The following PTP4A3 variants were observed in gnomAD, a reference collection of about 807,000 sequenced individuals.
PTP4A3 encodes protein tyrosine phosphatase type IVA 3.
Under a neutral mutation model 15.2 loss-of-function variants are expected in PTP4A3, and 9 were observed. The ratio of observed to expected loss-of-function variants is 0.59; its 90% confidence interval spans 0.36 to 1.03. The LOEUF is 1.03. PTP4A3 is among the 50% of genes least tolerant of loss of function. The probability of loss-of-function intolerance (pLI) is 0.02; values close to 1 mark genes in which losing one functional copy is unlikely to be tolerated. For missense variants in PTP4A3, 234 were observed against 252.1 expected (o/e 0.93, Z 0.49); for synonymous variants, 95 against 102.0 (o/e 0.93, Z 0.41).
chr8:141,422,333 C>T lies in PTP4A3; in HGVS notation c.93C>T (p.Ser31=). 6.2e-7 allele frequency: 1 copy of T among 1,613,494 alleles called. No individual in the cohort carries two copies. Among genetic ancestry groups the T allele is most frequent in the Non-Finnish European group, 8.5e-7 (1 of 1,179,982 alleles). Residue 31 remains serine (S), a synonymous_variant, in exon 2 of 6, where the codon AGC becomes AGT. Coordinates refer to ENST00000521578, the MANE Select transcript of PTP4A3 (RefSeq NM_032611.3). ...ACAACCCCACCAACGCCACGCTCAGCACCTTCATTGAGGTGAGTGGAGACG... is the reference window on the plus strand; with the variant it reads ...ACAACCCCACCAACGCCACGCTCAGTACCTTCATTGAGGTGAGTGGAGACG... The part of the protein sequence containing the change: ...ITHNPTNATL[S]TFIEDLKKYG...
At chr8:141,402,593 G>A (rs1033136711) in intron 1 of PTP4A3, among the ~76,000 whole-genome samples, 2 of 152,126 alleles carry the variant, frequency 1.3e-5, no homozygotes, top group East Asian at 1.9e-4. Context: ...TCCTGCCTTC[G>A]GGAGCTGGGT....
In PTP4A3 at chr8:141,425,189, G is replaced by T; in HGVS notation, c.198+49G>T. The stretch of plus-strand genomic sequence containing the variant: ...CTAGTCACTGCTGCCACCGGGGGAG[G>T]GTGGGGCGGGGGGCTCCGGGCCTGC... On this transcript the variant is annotated intron_variant, in intron 3 of 5. Coordinates refer to ENST00000521578, the MANE Select transcript of PTP4A3 (RefSeq NM_032611.3). The surrounding 1 kb of genome is among the most constrained non-coding windows in gnomAD (Gnocchi z 4.2). 1 of 1,440,898 alleles carries T rather than the reference G, an allele frequency of 6.9e-7. No individual in the cohort carries two copies. Among genetic ancestry groups the T allele is most frequent in the South Asian group, 1.2e-5 (1 of 85,918 alleles). The allele number at this position is 1,440,898 out of a possible 1,614,324, so 89.3% of individuals were successfully genotyped here. A position where few individuals can be genotyped will look rare whatever the true frequency, so the allele number is the denominator to read the frequency against.
At chr8:141,410,624 TGAA>T (rs1367318849) in intron 1 of PTP4A3, among the ~76,000 whole-genome samples, 1 of 152,184 alleles carries the variant, frequency 6.6e-6, no homozygotes, top group Non-Finnish European at 1.5e-5. Flanking sequence ...GGCAGGTCCA[TGAA>T]GGACAGCCTT....
intron 1 of PTP4A3, among the ~76,000 whole-genome samples, chr8:141,394,575 G>A (rs894101846): frequency 2.0e-5 from 3 of 152,230 alleles, no homozygotes; most frequent in Non-Finnish European, 2.9e-5. Context: ...GCCTCCCAGT[G>A]TCTTGCTGGA....
chr8:141,396,189 G>A (rs781557333), intron 1 of PTP4A3, among the ~76,000 whole-genome samples: 22 of 152,346 alleles, frequency 1.4e-4, no homozygotes, highest in Non-Finnish European at 2.1e-4. Context: ...GGTCAGGACC[G>A]TGATGGACTC....
At chr8:141,407,888 A>G (rs559678970) in intron 1 of PTP4A3, among the ~76,000 whole-genome samples, 38 of 152,190 alleles carry the variant, frequency 2.5e-4, no homozygotes, top group Non-Finnish European at 5.1e-4. Flanking sequence ...CTTTCTTAAA[A>G]CATCATGAGG....
In PTP4A3 at chr8:141,427,017, T is replaced by C; in HGVS notation, c.277T>C (p.Cys93Arg). The C allele has an allele frequency of 6.2e-7, 1 of 1,604,140 alleles. No individual in the cohort carries two copies. The highest frequency in any genetic ancestry group is 8.5e-7 in the Non-Finnish European group (1 of 1,179,838). ...GCTGAGCCTGGTGAAGGCCAAGTTC[T>C]GTGAGGCCCCCGGCAGCTGCGTGGC... ...DWLSLVKAKF[C>R]EAPGSCVAVH... The change falls in exon 4 of 6, where the codon TGT (cysteine) becomes CGT (arginine). Residue 93 changes from cysteine to arginine, a missense_variant. Cys to Arg is a radical substitution (Grantham distance 180). Coordinates refer to ENST00000521578, the MANE Select transcript of PTP4A3 (RefSeq NM_032611.3).
At chr8:141,426,695 G>A in intron 3 of PTP4A3, 1 of 983,020 alleles carries the variant, frequency 1.0e-6, no homozygotes, top group Non-Finnish European at 1.2e-6. Flanking sequence ...GGTGGTCCAG[G>A]AAGGCTTCCT....
At chr8:141,408,771 C>T (rs1365297044) in intron 1 of PTP4A3, among the ~76,000 whole-genome samples, 2 of 152,220 alleles carry the variant, frequency 1.3e-5, no homozygotes, top group African/African-American at 2.4e-5. Context: ...GCCCTGCCCC[C>T]GGGTTCCCAG....
chr8:141,424,323 C>A (rs1187231832), intron 2 of PTP4A3, among the ~76,000 whole-genome samples: 1 of 152,160 alleles, frequency 6.6e-6, no homozygotes, highest in Admixed American at 6.5e-5. Context: ...GTATAACTAT[C>A]GGCCTGGCTG....
intron 1 of PTP4A3, chr8:141,392,366 G>A (rs1015051776): frequency 2.0e-5 from 3 of 152,180 alleles, no homozygotes; most frequent in African/African-American, 4.8e-5. Flanking sequence ...GCTGGAAGGG[G>A]GTGACCCGCT....
At chr8:141,404,076 C>T (rs930442321) in intron 1 of PTP4A3, among the ~76,000 whole-genome samples, 2 of 152,258 alleles carry the variant, frequency 1.3e-5, no homozygotes, top group Non-Finnish European at 2.9e-5. Context: ...GCCAGGGCCA[C>T]GGCGACACGC....
intron 1 of PTP4A3, among the ~76,000 whole-genome samples, chr8:141,419,359 A>G (rs1364100158): frequency 6.6e-6 from 1 of 152,184 alleles, no homozygotes; most frequent in African/African-American, 2.4e-5. Context: ...TTCTGTAAAC[A>G]TGAGCTCGGC....
intron 5 of PTP4A3, among the ~76,000 whole-genome samples, chr8:141,430,508 T>C (rs12549610): frequency 0.6 from 90,519 of 151,956 alleles, 27,481 homozygotes; most frequent in Non-Finnish European, 0.66. Context: ...CAGGTCCCTG[T>C]TGTAAGGGAA....
At chr8:141,424,840 C>T (rs760889884) in intron 2 of PTP4A3, among the ~76,000 whole-genome samples, 1 of 152,088 alleles carries the variant, frequency 6.6e-6, no homozygotes, top group Admixed American at 6.5e-5. Flanking sequence ...GGGTGACATG[C>T]CCTTCCCTGG....
At chr8:141,400,583 C>T (rs775245039) in intron 1 of PTP4A3, among the ~76,000 whole-genome samples, 1 of 152,214 alleles carries the variant, frequency 6.6e-6, no homozygotes, top group African/African-American at 2.4e-5. Flanking sequence ...GATGGGCTCT[C>T]CTAAGTGAGG....
In PTP4A3 at chr8:141,399,004, C is replaced by T. The variant is rs541845947; in HGVS notation, c.-854+6920C>T. On this transcript the variant is annotated intron_variant, in intron 1 of 5. Coordinates refer to ENST00000521578, the MANE Select transcript of PTP4A3 (RefSeq NM_032611.3). The stretch of plus-strand genomic sequence containing the variant: ...GTCCCCTTCCCACGGGACCGGTGCT[C>T]CCGGCTGCTCTCCTGGCCCTGGGTC... Among the ~76,000 whole-genome samples, 204 of 152,234 alleles carry T rather than the reference C, an allele frequency of 1.3e-3. 2 individuals are homozygous for T. The highest frequency in any genetic ancestry group is 3.5e-3 in the South Asian group (17 of 4,820).
intron 1 of PTP4A3, among the ~76,000 whole-genome samples, chr8:141,398,297 T>TG (rs11426804): frequency 0.036 from 5,469 of 152,202 alleles, 323 homozygotes; most frequent in African/African-American, 0.12. Context: ...GGTTATAAGT[T>TG]GGGAAGCACT....
chr8:141,428,470 G>T (rs950653523), intron 5 of PTP4A3, among the ~76,000 whole-genome samples: 1 of 152,196 alleles, frequency 6.6e-6, no homozygotes, highest in Non-Finnish European at 1.5e-5. Context: ...GCCTGCCCCT[G>T]CCCAGCCCAC....
Sources: allele counts gnomAD v4.1 joint callset (sites outside exome capture counted in the v4.1 genomes callset), GRCh38; gene constraint gnomAD v4.1.1; non-coding constraint Gnocchi (gnomAD v3.1); transcripts MANE v1.5; gene names NCBI Gene and HGNC (gene_info 2026-07-23, HGNC 2026-07-21).